CLTB: variants seen among roughly 807,000 people sequenced by gnomAD.
CLTB encodes clathrin light chain B.
In CLTB, 10 loss-of-function variants were observed where a neutral mutation model predicts 30.5. That is an observed-to-expected ratio of 0.33 (90% confidence interval 0.20 to 0.56). The LOEUF is 0.56. Among genes scored for constraint, CLTB ranks in the 20% least tolerant of loss-of-function variants. CLTB has a pLI of 0.91. For synonymous variants in CLTB, 102 were observed against 120.3 expected, an observed-to-expected ratio of 0.85 and a Z score of 1.00; for missense variants, 261 against 308.3, an observed-to-expected ratio of 0.85 and a Z score of 1.15.
intron 1 of CLTB, 136 bp downstream of exon 1, chr5:176,416,038 CAAG>C (rs935073111): frequency 1.3e-5 from 10 of 779,982 alleles, no homozygotes; most frequent in East Asian, 3.3e-5. Flanking sequence ...TGGAGATCTC[CAAG>C]AAGATTCTTC....
chr5:176,403,444 GT>G (rs1413762321), intron 2 of CLTB, among the ~76,000 whole-genome samples: 2 of 147,832 alleles, frequency 1.4e-5, no homozygotes, highest in Non-Finnish European at 3.0e-5. Flanking sequence ...GTTTTTTGGT[GT>G]TTTTTTGTTT....
At position 176,393,048 on chromosome 5, in the gene CLTB, TC is replaced by T. The variant is rs1756329675; in HGVS notation, c.519-104del. Reference sequence around the variant, plus strand: ...CAGCCTACTCTGGGGCACTGTGTCCTCCCCAGCCTTGTGCCCCCCTGACTTC... The same window carrying T: ...CAGCCTACTCTGGGGCACTGTGTCCTCCCAGCCTTGTGCCCCCCTGACTTC... On this transcript the variant is annotated intron_variant, in intron 5 of 5. Transcript: ENST00000310418. This position sits in a 1 kb window ranked among gnomAD's most constrained non-coding sequence, Gnocchi z 4.4. 1 of 1,295,100 alleles carries T rather than the reference TC, an allele frequency of 7.7e-7. No homozygotes were observed. Among genetic ancestry groups the T allele is most frequent in the South Asian group, 1.3e-5 (1 of 78,230 alleles). 80.2% of individuals were successfully genotyped at this position (1,295,100 alleles called of 1,614,324 possible). A position where few individuals can be genotyped will look rare whatever the true frequency, so the allele number is the denominator to read the frequency against.
At chr5:176,401,813 G>C in intron 2 of CLTB, 1 of 454,986 alleles carries the variant, frequency 2.2e-6, no homozygotes, top group Non-Finnish European at 4.4e-6. Flanking sequence ...GTTCGTCCTT[G>C]ATTTCTCCTT....
At chr5:176,401,105 T>A (rs949923569) in intron 2 of CLTB, among the ~76,000 whole-genome samples, 6 of 152,262 alleles carry the variant, frequency 3.9e-5, no homozygotes, top group African/African-American at 1.2e-4. Flanking sequence ...CAGTGGGCCC[T>A]TCTGGGGCCC....
chr5:176,412,932 G>GC (rs1374185076), intron 1 of CLTB, among the ~76,000 whole-genome samples: 4 of 152,022 alleles, frequency 2.6e-5, no homozygotes, highest in Non-Finnish European at 4.4e-5. Context: ...TGTACATTTG[G>GC]CCTTCTCGAG....
At chr5:176,396,068 G>C (rs966881938) in intron 5 of CLTB, among the ~76,000 whole-genome samples, 6 of 152,136 alleles carry the variant, frequency 3.9e-5, no homozygotes, top group Non-Finnish European at 8.8e-5. Flanking sequence ...CCAGGAGGTG[G>C]AGGTCGCAGT....
intron 2 of CLTB, among the ~76,000 whole-genome samples, chr5:176,406,859 G>A (rs1016867520): frequency 1.3e-5 from 2 of 152,232 alleles, no homozygotes; most frequent in Non-Finnish European, 2.9e-5. Flanking sequence ...TTCCACCTGT[G>A]ACCCAGGCGC....
intron 2 of CLTB, among the ~76,000 whole-genome samples, chr5:176,400,930 G>C (rs1756786082): frequency 6.6e-6 from 1 of 152,176 alleles, no homozygotes; most frequent in Non-Finnish European, 1.5e-5. Flanking sequence ...TGGAACATCA[G>C]GGCTACAGTC....
At chr5:176,412,402 T>C (rs1757489387) in intron 1 of CLTB, among the ~76,000 whole-genome samples, 1 of 152,166 alleles carries the variant, frequency 6.6e-6, no homozygotes. Flanking sequence ...CCAGGCTCCG[T>C]GTCCTATTCA....
Position 176,392,624 on chromosome 5 carries a change from G to A in CLTB, c.*150C>T. On this transcript the variant is annotated 3_prime_UTR_variant, in exon 6 of 6. Coordinates refer to ENST00000310418, the MANE Select transcript of CLTB (RefSeq NM_007097.5). This position sits in a 1 kb window ranked among gnomAD's most constrained non-coding sequence, Gnocchi z 5.2. ...CCAGGAGGGAGCGAGGCGTGATGGG[G>A]TGAGGGCCCCCCTCCCAGCGCCTGG... is the stretch of plus-strand genomic sequence containing the variant. 1.2e-6 allele frequency: 1 copy of A among 855,012 alleles called. No individual in the cohort carries two copies. The highest frequency in any genetic ancestry group is 1.8e-6 in the Non-Finnish European group (1 of 552,422). The allele number at this position is 855,012 out of a possible 1,614,324, so 53.0% of individuals were successfully genotyped here.
chr5:176,410,760 G>A (rs555914771), intron 1 of CLTB, among the ~76,000 whole-genome samples: 4 of 117,916 alleles, frequency 3.4e-5, no homozygotes, highest in Non-Finnish European at 4.1e-5. Flanking sequence ...GGGCCTACGC[G>A]TCTCTGCCTG....
chr5:176,393,816 C>T lies in CLTB; in HGVS notation c.519-871G>A, dbSNP rs1756365711. Among the ~76,000 whole-genome samples the T allele has an allele frequency of 1.3e-5, 2 of 152,192 alleles. No individual in the cohort carries two copies. The highest frequency in any genetic ancestry group is 2.4e-5 in the African/African-American group (1 of 41,446). On this transcript the variant is annotated intron_variant, in intron 5 of 5. Transcript: ENST00000310418. This position sits in a 1 kb window ranked among gnomAD's most constrained non-coding sequence, Gnocchi z 4.4. ...AATACAGTCTAGTGGACAAAATCTA[C>T]ACGTGGGACTCACTAACAGAAAGAC...
At chr5:176,414,919 A>G (rs1757622713) in intron 1 of CLTB, among the ~76,000 whole-genome samples, 2 of 152,220 alleles carry the variant, frequency 1.3e-5, no homozygotes, top group Admixed American at 1.3e-4. Context: ...TAAACGTTGA[A>G]TGGATACAAA....
intron 5 of CLTB, among the ~76,000 whole-genome samples, chr5:176,394,704 A>C (rs1421012804): frequency 2.0e-5 from 3 of 151,968 alleles, no homozygotes; most frequent in African/African-American, 7.3e-5. Flanking sequence ...AGTCCCAGCT[A>C]CTCAGGAGGC....
chr5:176,414,432 CTT>C (rs59452988), intron 1 of CLTB, among the ~76,000 whole-genome samples: 590 of 134,628 alleles, frequency 4.4e-3, no homozygotes, highest in African/African-American at 0.012. Flanking sequence ...GCTATAGAAT[CTT>C]TTTTTTTTTT....
chr5:176,411,975 G>T (rs993795376), intron 1 of CLTB, among the ~76,000 whole-genome samples: 21 of 151,992 alleles, frequency 1.4e-4, no homozygotes, highest in African/African-American at 4.3e-4. Context: ...AGGAGATCGA[G>T]ACCATCCTGG....
chr5:176,403,238 CG>C (rs1226087075), intron 2 of CLTB, among the ~76,000 whole-genome samples: 5 of 151,740 alleles, frequency 3.3e-5, no homozygotes, highest in Non-Finnish European at 7.4e-5. Context: ...TTAGTAGAGA[CG>C]GGGTTTTGCC....
intron 1 of CLTB, among the ~76,000 whole-genome samples, chr5:176,415,429 T>C (rs1757644355): frequency 6.6e-6 from 1 of 151,920 alleles, no homozygotes; most frequent in South Asian, 2.1e-4. Context: ...ACACCTGTAA[T>C]CCCAACACTT....
At chr5:176,400,922 G>C (rs138472596) in intron 2 of CLTB, among the ~76,000 whole-genome samples, 21 of 152,298 alleles carry the variant, frequency 1.4e-4, no homozygotes, top group African/African-American at 4.3e-4. Flanking sequence ...CACATAGATG[G>C]AACATCAGGG....
Sources: allele counts gnomAD v4.1 joint callset (sites outside exome capture counted in the v4.1 genomes callset), GRCh38; gene constraint gnomAD v4.1.1; non-coding constraint Gnocchi (gnomAD v3.1); transcripts MANE v1.5; gene names NCBI Gene and HGNC (gene_info 2026-07-23, HGNC 2026-07-21).